The following CREB5 variants were observed in gnomAD, a reference collection of about 807,000 sequenced individuals.
CREB5 encodes cyclic AMP-responsive element-binding protein 5.
In CREB5, 19 loss-of-function variants were observed where a neutral mutation model predicts 57.1. The observed-to-expected ratio is 0.33, with a 90% confidence interval of 0.23 to 0.49. CREB5 has a LOEUF of 0.49. CREB5 is among the 20% of genes least tolerant of loss of function. The pLI, the probability that CREB5 is intolerant of heterozygous loss-of-function variation, is 0.99. For synonymous variants in CREB5, 238 were observed against 238.3 expected, an observed-to-expected ratio of 1.00 and a Z score of 0.01; for missense variants, 579 against 671.6, an observed-to-expected ratio of 0.86 and a Z score of 1.52.
chr7:28,732,020 A>C (rs546261337), intron 7 of CREB5, among the ~76,000 whole-genome samples: 3 of 152,100 alleles, frequency 2.0e-5, no homozygotes, highest in East Asian at 3.9e-4. Context: ...TTGTGCCTGC[A>C]TGGGTCTTCC....
intron 7 of CREB5, among the ~76,000 whole-genome samples, chr7:28,757,086 C>T (rs1159889773): frequency 2.0e-5 from 3 of 152,166 alleles, no homozygotes; most frequent in Non-Finnish European, 4.4e-5. Flanking sequence ...ATTTTTTTAG[C>T]GTACTGTTAC....
Position 28,818,094 on chromosome 7 carries a change from T to C in CREB5, c.1278T>C (p.Asn426=), listed in dbSNP as rs1562662907. Reference sequence around the variant, plus strand: ...AGAATGAAGTGTCTATGTTGAAAAATGAGGTGGCCCAGCTGAAACAGTTGT... The same window carrying C: ...AGAATGAAGTGTCTATGTTGAAAAACGAGGTGGCCCAGCTGAAACAGTTGT... ...QLQNEVSMLK[N]EVAQLKQLLL... is the part of the protein sequence containing the mutation. Residue 426 remains asparagine, a synonymous_variant, in exon 10 of 11, where the codon AAT becomes AAC. Transcript: ENST00000357727. The C allele has an allele frequency of 1.9e-6, 3 of 1,613,608 alleles. No individual in the cohort carries two copies. The highest frequency in any genetic ancestry group is 2.5e-6 in the Non-Finnish European group (3 of 1,179,726).
intron 4 of CREB5, among the ~76,000 whole-genome samples, chr7:28,552,505 G>A (rs919565822): frequency 8.5e-5 from 13 of 152,110 alleles, no homozygotes; most frequent in Non-Finnish European, 1.3e-4. Flanking sequence ...GGTACATCAC[G>A]GGGGCTCAAA....
chr7:28,757,712 T>C (rs1185414729), intron 7 of CREB5, among the ~76,000 whole-genome samples: 2 of 151,260 alleles, frequency 1.3e-5, no homozygotes, highest in South Asian at 2.1e-4. Flanking sequence ...ATTGTGGTAG[T>C]AGTGGTGGTG....
chr7:28,632,086 G>C (rs1325234867), intron 5 of CREB5, among the ~76,000 whole-genome samples: 1 of 152,160 alleles, frequency 6.6e-6, no homozygotes, highest in African/African-American at 2.4e-5. Flanking sequence ...CACTTCCAAA[G>C]CACAGCTTGG....
intron 2 of CREB5, among the ~76,000 whole-genome samples, chr7:28,492,279 C>T (rs375510300): frequency 3.9e-5 from 6 of 152,150 alleles, no homozygotes; most frequent in South Asian, 2.1e-4. Context: ...GGATTACAGG[C>T]GTGAGCCACC....
chr7:28,648,197 G>A (rs116147299), intron 5 of CREB5, among the ~76,000 whole-genome samples: 2,245 of 152,122 alleles, frequency 0.015, 41 homozygotes, highest in African/African-American at 0.051. Flanking sequence ...TCATTCTCAG[G>A]GGTAAGATAA....
intron 9 of CREB5, among the ~76,000 whole-genome samples, chr7:28,813,610 T>G (rs1809254854): frequency 6.6e-6 from 1 of 152,300 alleles, no homozygotes; most frequent in Non-Finnish European, 1.5e-5. Context: ...TGATAATTAT[T>G]TTTTTGGCAC....
At chr7:28,579,616 A>C (rs985009608) in intron 5 of CREB5, among the ~76,000 whole-genome samples, 1 of 152,186 alleles carries the variant, frequency 6.6e-6, no homozygotes, top group African/African-American at 2.4e-5. Context: ...ACATCTTTGA[A>C]ATGCTAGAAA....
intron 5 of CREB5, among the ~76,000 whole-genome samples, chr7:28,696,542 G>A (rs896964861): frequency 6.6e-6 from 1 of 152,150 alleles, no homozygotes; most frequent in Non-Finnish European, 1.5e-5. Flanking sequence ...GATCTTTAAT[G>A]AGGCAAATTG....
chr7:28,777,254 C>T (rs901695633), intron 7 of CREB5, among the ~76,000 whole-genome samples: 6 of 152,134 alleles, frequency 3.9e-5, no homozygotes, highest in African/African-American at 1.4e-4. Context: ...AAACAATGTC[C>T]GAACTCATTG....
chr7:28,358,302 C>T (rs1477131727), intron 1 of CREB5, among the ~76,000 whole-genome samples: 5 of 152,324 alleles, frequency 3.3e-5, no homozygotes, highest in East Asian at 1.9e-4. Context: ...CCTGCTCACA[C>T]GACTCTCAGA....
chr7:28,390,598 C>G (rs1359584608), intron 1 of CREB5, among the ~76,000 whole-genome samples: 2 of 152,142 alleles, frequency 1.3e-5, no homozygotes, highest in Non-Finnish European at 2.9e-5. Flanking sequence ...GCTTCTTCTT[C>G]CTCCGCACCA....
intron 1 of CREB5, among the ~76,000 whole-genome samples, chr7:28,379,192 T>C (rs1239809776): frequency 2.0e-5 from 3 of 152,236 alleles, no homozygotes; most frequent in African/African-American, 7.2e-5. Context: ...TTTTAAATTA[T>C]CTGAGTCTCA....
chr7:28,697,416 A>G (rs1198421350), intron 5 of CREB5, among the ~76,000 whole-genome samples: 1 of 152,132 alleles, frequency 6.6e-6, no homozygotes, highest in African/African-American at 2.4e-5. Flanking sequence ...GGGTACCCTC[A>G]GACTACTTTT....
intron 5 of CREB5, among the ~76,000 whole-genome samples, chr7:28,626,830 C>G (rs1451211793): frequency 6.6e-6 from 1 of 152,110 alleles, no homozygotes; most frequent in Non-Finnish European, 1.5e-5. Context: ...AGAAAGGGAG[C>G]CTACCGGGGG....
rs189922289 is a variant in CREB5 at position 28,454,840 on chromosome 7, G to A, written c.4-33335G>A. Among the ~76,000 whole-genome samples the A allele has an allele frequency of 5.1e-3, 769 of 152,214 alleles. 3 individuals are homozygous for A. The highest frequency in any genetic ancestry group is 5.4e-3 in the Non-Finnish European group (368 of 68,018). On this transcript the variant is annotated intron_variant, in intron 1 of 10. Coordinates refer to ENST00000357727, the MANE Select transcript of CREB5 (RefSeq NM_182898.4). ...CTTGGAAGATCCGACCTACTCTAACGGAATGTGACCCAGGGCTGGTGGGCA... is the reference window on the plus strand; with the variant it reads ...CTTGGAAGATCCGACCTACTCTAACAGAATGTGACCCAGGGCTGGTGGGCA...
intron 1 of CREB5, among the ~76,000 whole-genome samples, chr7:28,325,504 G>A (rs972435236): frequency 1.3e-5 from 2 of 152,002 alleles, no homozygotes; most frequent in African/African-American, 4.8e-5. Context: ...CATTCCGAAG[G>A]CTTCCCTTGA....
chr7:28,371,229 G>A (rs919698253), intron 1 of CREB5, among the ~76,000 whole-genome samples: 1 of 152,172 alleles, frequency 6.6e-6, no homozygotes, highest in African/African-American at 2.4e-5. Context: ...CCAGCACTTT[G>A]GGAGGCCGAG....
Sources: allele counts gnomAD v4.1 joint callset (sites outside exome capture counted in the v4.1 genomes callset), GRCh38; gene constraint gnomAD v4.1.1; transcripts MANE v1.5; gene names NCBI Gene and HGNC (gene_info 2026-07-23, HGNC 2026-07-21).